PTPRJ: variants seen among roughly 807,000 people sequenced by gnomAD.
PTPRJ encodes the protein protein tyrosine phosphatase receptor type J, also known as receptor-type tyrosine-protein phosphatase eta.
Under a neutral mutation model 141.3 loss-of-function variants are expected in PTPRJ, and 129 were observed. That is an observed-to-expected ratio of 0.91 (90% CI 0.79 to 1.06). PTPRJ has a LOEUF of 1.06. Ranked by LOEUF, PTPRJ falls within the 50% of genes least tolerant of loss-of-function variation. The pLI, the probability that PTPRJ is intolerant of heterozygous loss-of-function variation, is 0.00. For missense variants in PTPRJ, 1,601 were observed against 1,679.7 expected, an observed-to-expected ratio of 0.95 and a Z score of 0.82; for synonymous variants, 610 against 640.5, an observed-to-expected ratio of 0.95 and a Z score of 0.72.
intron 10 of PTPRJ, among the ~76,000 whole-genome samples, chr11:48,139,234 A>G (rs1857175446): frequency 6.6e-6 from 1 of 152,134 alleles, no homozygotes. Context: ...GGTCTCTTCC[A>G]GGCGTCTTTC....
intron 3 of PTPRJ, among the ~76,000 whole-genome samples, chr11:48,114,758 A>T (rs1253833253): frequency 6.6e-6 from 1 of 152,222 alleles, no homozygotes; most frequent in Non-Finnish European, 1.5e-5. Flanking sequence ...TCTGACAGAG[A>T]ATTCAAAATA....
At chr11:48,058,211 C>CT (rs879310621) in intron 1 of PTPRJ, among the ~76,000 whole-genome samples, 73 of 152,012 alleles carry the variant, frequency 4.8e-4, no homozygotes, top group African/African-American at 1.5e-3. Flanking sequence ...CACACCCAGC[C>CT]TTTTTTTAAA....
chr11:48,147,589 A>G (rs1857382164), intron 15 of PTPRJ, among the ~76,000 whole-genome samples: 1 of 152,166 alleles, frequency 6.6e-6, no homozygotes, highest in Non-Finnish European at 1.5e-5. Flanking sequence ...AGTCCCTTCC[A>G]AGGATGCAGA....
At chr11:47,996,641 C>T (rs1854344319) in intron 1 of PTPRJ, among the ~76,000 whole-genome samples, 1 of 152,202 alleles carries the variant, frequency 6.6e-6, no homozygotes, top group Non-Finnish European at 1.5e-5. Flanking sequence ...TCAGTGACCT[C>T]CTTGTTAACA....
chr11:47,996,105 G>A (rs1282600517), intron 1 of PTPRJ, among the ~76,000 whole-genome samples: 3 of 151,850 alleles, frequency 2.0e-5, no homozygotes, highest in Non-Finnish European at 4.4e-5. Context: ...AGGCCAAGGC[G>A]GGTGGATCAC....
rs925654450 is a variant in PTPRJ, at chr11:48,124,978, T to C, written c.885T>C (p.Asn295=). 1.2e-6 allele frequency: 2 copies of C among 1,613,706 alleles called. No homozygotes were observed. Among genetic ancestry groups the C allele is most frequent in the African/African-American group, 1.3e-5 (1 of 74,864 alleles). The change falls in exon 6 of 25, where the codon AAT becomes AAC. Residue 295 remains asparagine (N), a synonymous_variant. Coordinates refer to ENST00000418331, the MANE Select transcript of PTPRJ (RefSeq NM_002843.4). ...CTGTGCTTGAAACAGATGCCAGCAA[T>C]ACAGAGAGAAGCCGGGCAGGGAGCC... ...LGTEGGLDAS[N]TERSRAGSPT... is the part of the protein sequence containing the mutation.
At chr11:48,089,171 G>A (rs1182244449) in intron 1 of PTPRJ, among the ~76,000 whole-genome samples, 1 of 152,174 alleles carries the variant, frequency 6.6e-6, no homozygotes, top group Admixed American at 6.6e-5. Context: ...AAAAGAAATT[G>A]TAAAAGGAAG....
chr11:48,035,824 G>C lies in PTPRJ; in HGVS notation c.96+54816G>C, dbSNP rs142722533. On this transcript the variant is annotated intron_variant, in intron 1 of 24. Coordinates refer to ENST00000418331, the MANE Select transcript of PTPRJ (RefSeq NM_002843.4). ...TTAGAGCATGGAATTAAGTTGTAGG[G>C]AGAGTAAGCCTATTGCTTTCTTCCC... Among the ~76,000 whole-genome samples, 437 of 152,256 alleles carry C rather than the reference G, an allele frequency of 2.9e-3. 1 individual carries two copies. Among genetic ancestry groups the C allele is most frequent in the African/African-American group, 9.8e-3 (409 of 41,564 alleles).
intron 1 of PTPRJ, among the ~76,000 whole-genome samples, chr11:48,016,754 GC>G (rs1222890046): frequency 1.3e-5 from 2 of 152,136 alleles, no homozygotes; most frequent in Non-Finnish European, 2.9e-5. Context: ...GGTTCTGTCT[GC>G]ATTGTGCTAA....
intron 4 of PTPRJ, 122 bp from the exon 5 acceptor site, chr11:48,123,491 A>C: frequency 1.0e-6 from 1 of 962,512 alleles, no homozygotes; most frequent in Non-Finnish European, 1.5e-6. Context: ...GACATCAGTG[A>C]CCTCAGTCAT....
chr11:48,137,058 A>G lies in PTPRJ; in HGVS notation c.1929A>G (p.Leu643=). 6.2e-7 allele frequency: 1 copy of G among 1,604,378 alleles called. No homozygotes were observed. Among genetic ancestry groups the G allele is most frequent in the Non-Finnish European group, 8.5e-7 (1 of 1,171,064 alleles). Residue 643 remains leucine, a synonymous_variant, in exon 10 of 25, where the codon TTA becomes TTG. Coordinates refer to ENST00000418331, the MANE Select transcript of PTPRJ (RefSeq NM_002843.4). The stretch of plus-strand genomic sequence containing the variant: ...GTACCAACACCACAGCAGCAACTTT[A>G]AGTTGGCAGAACTTTGATGACGCCT... ...DVSTNTTAAT[L]SWQNFDDASP...
At chr11:48,044,574 G>A (rs898810535) in intron 1 of PTPRJ, among the ~76,000 whole-genome samples, 3 of 152,224 alleles carry the variant, frequency 2.0e-5, no homozygotes, top group Non-Finnish European at 4.4e-5. Flanking sequence ...CAAGAGACAA[G>A]GTAGGCAGGC....
At position 48,130,705 on chromosome 11, in the gene PTPRJ, G is replaced by A; in HGVS notation, c.1604G>A (p.Cys535Tyr). ...NGTEGASRTV[C>Y]NRTVPSAVFD... ...ACTGAAGGGGCATCTCGGACAGTTT[G>A]CAATAGAACTGGTAAGCAAATAGGC... Residue 535 changes from cysteine to tyrosine, a missense_variant, in exon 8 of 25, where the codon TGC (cysteine) becomes TAC (tyrosine). Coordinates refer to ENST00000418331, the MANE Select transcript of PTPRJ (RefSeq NM_002843.4). 6.2e-7 allele frequency: 1 copy of A among 1,607,328 alleles called. No homozygotes were observed. Among genetic ancestry groups the A allele is most frequent in the Non-Finnish European group, 8.5e-7 (1 of 1,175,232 alleles).
chr11:48,097,409 C>T lies in PTPRJ; in HGVS notation c.97-12649C>T, dbSNP rs370774719. Among the ~76,000 whole-genome samples, 15 of 152,250 alleles carry T rather than the reference C, an allele frequency of 9.9e-5. No individual in the cohort carries two copies. In the South Asian group the frequency reaches 3.1e-3, roughly 32 times the overall value. Reference sequence around the variant, plus strand: ...TGACTCACCCTTTCCTTTACATAAGCATTGATTTACATCTGTTGTTTTTTA... The same window carrying T: ...TGACTCACCCTTTCCTTTACATAAGTATTGATTTACATCTGTTGTTTTTTA... On this transcript the variant is annotated intron_variant, in intron 1 of 24. Coordinates refer to ENST00000418331, the MANE Select transcript of PTPRJ (RefSeq NM_002843.4).
intron 8 of PTPRJ, chr11:48,132,364 C>CA (rs982073000): frequency 4.0e-5 from 39 of 971,854 alleles, no homozygotes; most frequent in Non-Finnish European, 4.4e-5. Context: ...GACCCTGTCT[C>CA]AAAAAAAAAT....
intron 6 of PTPRJ, 85 bp downstream of exon 6, chr11:48,125,271 C>A: frequency 6.9e-7 from 1 of 1,447,124 alleles, no homozygotes; most frequent in Non-Finnish European, 9.6e-7. Context: ...TGAGTGATTT[C>A]TTGCATAACA....
chr11:48,163,664 T>G, intron 23 of PTPRJ, 46 bp downstream of exon 23: 1 of 1,560,024 alleles, frequency 6.4e-7, no homozygotes, highest in African/African-American at 1.4e-5. Context: ...AATGTCATTA[T>G]ATATTTATGA....
chr11:48,103,937 C>A (rs1312673469), intron 1 of PTPRJ, among the ~76,000 whole-genome samples: 1 of 152,244 alleles, frequency 6.6e-6, no homozygotes, highest in Non-Finnish European at 1.5e-5. Context: ...CAGCGGGGAT[C>A]TTTGCAGGGT....
chr11:48,159,976 G>C lies in PTPRJ; in HGVS notation c.3485G>C (p.Gly1162Ala). 2 of 1,613,988 alleles carry C rather than the reference G, an allele frequency of 1.2e-6. No homozygotes were observed. Among genetic ancestry groups the C allele is most frequent in the Non-Finnish European group, 1.7e-6 (2 of 1,179,892 alleles). ...CCCTCCAAGCAGGCTCAGGACTATG[G>C]AGACATAACTGTGGCAATGACATCA... ...YWPSKQAQDYGDITVAMTSEI... is the reference protein window; with the variant it reads ...YWPSKQAQDYADITVAMTSEI... The change falls in exon 22 of 25, where the codon GGA becomes GCA. Residue 1162 changes from glycine (G) to alanine (A), a missense_variant. Gly to Ala is a moderately conservative substitution (Grantham distance 60). Coordinates refer to ENST00000418331, the MANE Select transcript of PTPRJ (RefSeq NM_002843.4).
Sources: gnomAD v4.1 joint callset for allele counts (sites outside exome capture counted in the v4.1 genomes callset) on GRCh38, gnomAD v4.1.1 for gene constraint, MANE v1.5 for transcripts, NCBI Gene and HGNC (gene_info 2026-07-23, HGNC 2026-07-21) for gene names.